Variants in TMEM232 observed in about 807,000 individuals in gnomAD.
TMEM232 encodes the protein transmembrane protein 232.
Under a neutral mutation model 78.8 loss-of-function variants are expected in TMEM232, and 80 were observed. The observed-to-expected ratio is 1.01, with a 90% CI of 0.85 to 1.22. The LOEUF (loss-of-function observed/expected upper bound fraction) is 1.22. Ranked by LOEUF, TMEM232 falls within the 50% of genes most tolerant of loss-of-function variation. The probability of loss-of-function intolerance (pLI) is 0.00; values close to 1 mark genes in which losing one functional copy is unlikely to be tolerated. For missense variants in TMEM232, 881 were observed against 742.2 expected (o/e 1.19, Z -2.17); for synonymous variants, 297 against 254.3 (o/e 1.17, Z -1.60).
chr5:110,414,748 G>A (rs1365965790), downstream of TMEM232, among the ~76,000 whole-genome samples: 2 of 151,990 alleles, frequency 1.3e-5, no homozygotes, highest in East Asian at 3.9e-4. Context: ...GTTCCAATAC[G>A]GCATTTAGAT....
chr5:110,584,774 C>A (rs1270391546), intron 10 of TMEM232, among the ~76,000 whole-genome samples: 2 of 152,018 alleles, frequency 1.3e-5, no homozygotes, highest in Non-Finnish European at 2.9e-5. Context: ...TAATATAATT[C>A]TTACTACTGT....
At chr5:110,738,676 T>C (rs1329384256), upstream of TMEM232, 1 of 226,638 alleles carries the variant, frequency 4.4e-6, no homozygotes, top group Non-Finnish European at 8.8e-6. Context: ...AACACTGAGA[T>C]CTGGGGCGTA....
intron 3 of TMEM232, among the ~76,000 whole-genome samples, chr5:110,396,389 GA>G (rs1290674762): frequency 6.6e-6 from 1 of 151,628 alleles, no homozygotes; most frequent in African/African-American, 2.4e-5. Flanking sequence ...CACCTGGGAG[GA>G]AAAAAAAGTT....
intron 1 of TMEM232, among the ~76,000 whole-genome samples, chr5:110,676,369 A>G (rs1393724305): frequency 6.7e-6 from 1 of 149,068 alleles, no homozygotes; most frequent in Non-Finnish European, 1.5e-5. Flanking sequence ...ACTAATTTAC[A>G]TTGACACCAG....
intron 12 of TMEM232, among the ~76,000 whole-genome samples, chr5:110,486,323 T>C (rs1237220803): frequency 6.6e-6 from 1 of 152,172 alleles, no homozygotes; most frequent in Non-Finnish European, 1.5e-5. Context: ...TTTAGTTTAA[T>C]TAGGTCCCAG....
intron 3 of TMEM232, among the ~76,000 whole-genome samples, chr5:110,391,425 G>A (rs1420567409): frequency 6.6e-6 from 1 of 151,494 alleles, no homozygotes; most frequent in Non-Finnish European, 1.5e-5. Context: ...TTATTGAGCC[G>A]ATGTGTCAAG....
At chr5:110,599,152 C>A (rs1410780740) in intron 10 of TMEM232, among the ~76,000 whole-genome samples, 2 of 152,022 alleles carry the variant, frequency 1.3e-5, no homozygotes, top group Non-Finnish European at 2.9e-5. Context: ...GCCTGCCTTA[C>A]AAGAGCTCCT....
intron 10 of TMEM232, 25 bp downstream of exon 10, chr5:110,605,084 T>G: frequency 6.6e-7 from 1 of 1,507,050 alleles, no homozygotes. Context: ...ATATTACTCA[T>G]CAAAGTAAAA....
intron 12 of TMEM232, among the ~76,000 whole-genome samples, chr5:110,500,453 T>C (rs1244303031): frequency 2.0e-5 from 3 of 152,116 alleles, no homozygotes; most frequent in Non-Finnish European, 2.9e-5. Flanking sequence ...TACTTTTCAA[T>C]GACCATGAGT....
chr5:110,393,445 G>A (rs930302720), intron 3 of TMEM232, among the ~76,000 whole-genome samples: 1 of 151,926 alleles, frequency 6.6e-6, no homozygotes, highest in African/African-American at 2.4e-5. Flanking sequence ...TATTAATATA[G>A]CTACTTTAGC....
At chr5:110,726,737 C>T (rs1283648025), upstream of TMEM232, 1 of 152,200 alleles carries the variant, frequency 6.6e-6, no homozygotes, top group East Asian at 1.9e-4. Flanking sequence ...CTTAGCCAAT[C>T]AGGACTTATA....
At chr5:110,579,633 G>A (rs1209912015) in intron 10 of TMEM232, among the ~76,000 whole-genome samples, 1 of 151,354 alleles carries the variant, frequency 6.6e-6, no homozygotes, top group African/African-American at 2.4e-5. Flanking sequence ...TTGTATTTTA[G>A]GTAAGACCCA....
chr5:110,730,722 G>A (rs1410570583), upstream of TMEM232, among the ~76,000 whole-genome samples: 1 of 151,992 alleles, frequency 6.6e-6, no homozygotes, highest in Non-Finnish European at 1.5e-5. Context: ...GGAAAGACTG[G>A]CCCCCATGAT....
At chr5:110,406,281 C>T (rs1177736032) in intron 2 of TMEM232, among the ~76,000 whole-genome samples, 46 of 151,290 alleles carry the variant, frequency 3.0e-4, no homozygotes, top group East Asian at 7.8e-4. Context: ...CACACACACA[C>T]ACACACACAC....
At chr5:110,491,275 C>G (rs1416155038) in intron 12 of TMEM232, among the ~76,000 whole-genome samples, 1 of 151,952 alleles carries the variant, frequency 6.6e-6, no homozygotes, top group Non-Finnish European at 1.5e-5. Flanking sequence ...AGCAATATAC[C>G]TTTCACATTC....
intron 1 of TMEM232, among the ~76,000 whole-genome samples, chr5:110,711,967 G>A (rs551840641): frequency 4.6e-5 from 7 of 151,676 alleles, no homozygotes; most frequent in Admixed American, 1.3e-4. Flanking sequence ...TTAGCCAGGC[G>A]TGGTGGCACC....
intron 12 of TMEM232, among the ~76,000 whole-genome samples, chr5:110,485,016 A>G (rs116390042): frequency 0.019 from 2,947 of 152,266 alleles, 88 homozygotes; most frequent in African/African-American, 0.068. Flanking sequence ...TGATCAGGAA[A>G]CACTTCTACA....
chr5:110,549,834 C>T (rs557790016), intron 11 of TMEM232, among the ~76,000 whole-genome samples: 11 of 152,146 alleles, frequency 7.2e-5, no homozygotes, highest in African/African-American at 2.4e-4. Flanking sequence ...AATTAGTCCA[C>T]AATTTAAAAT....
At chr5:110,503,299 G>A (rs1766476966) in intron 12 of TMEM232, among the ~76,000 whole-genome samples, 1 of 152,174 alleles carries the variant, frequency 6.6e-6, no homozygotes, top group South Asian at 2.1e-4. Flanking sequence ...GATTGAATGT[G>A]TAATATAGGT....
Sources: gnomAD v4.1 joint callset for allele counts (sites outside exome capture counted in the v4.1 genomes callset) on GRCh38, gnomAD v4.1.1 for gene constraint, MANE v1.5 for transcripts, NCBI Gene and HGNC (gene_info 2026-07-23, HGNC 2026-07-21) for gene names.